The following LEMD3 variants were observed in gnomAD, a reference collection of about 807,000 sequenced individuals.
LEMD3 encodes the protein LEM domain containing 3.
LEMD3 carries 33 observed loss-of-function variants against 95.2 expected under a neutral mutation model. The observed-to-expected ratio is 0.35, with a 90% CI of 0.26 to 0.46. The LOEUF is 0.46. Among genes scored for constraint, LEMD3 ranks in the 20% least tolerant of loss-of-function variants. The probability of loss-of-function intolerance (pLI) is 1.00; values close to 1 mark genes in which losing one functional copy is unlikely to be tolerated. For missense variants in LEMD3, 1,210 were observed against 1,192.8 expected, an observed-to-expected ratio of 1.01 and a Z score of -0.21; for synonymous variants, 525 against 474.6, an observed-to-expected ratio of 1.11 and a Z score of -1.38.
At chr12:65,178,650 C>T (rs1039310589) in intron 1 of LEMD3, among the ~76,000 whole-genome samples, 1 of 152,154 alleles carries the variant, frequency 6.6e-6, no homozygotes, top group African/African-American at 2.4e-5. Flanking sequence ...AGGCACTGAG[C>T]TAAACAATTA....
intron 1 of LEMD3, among the ~76,000 whole-genome samples, chr12:65,179,251 A>G (rs879801401): frequency 1.6e-4 from 24 of 152,084 alleles, no homozygotes; most frequent in Non-Finnish European, 3.4e-4. Flanking sequence ...AATAAACTTC[A>G]TATTTTCCCT....
At chr12:65,191,554 C>G (rs1287024189) in intron 1 of LEMD3, among the ~76,000 whole-genome samples, 1 of 152,086 alleles carries the variant, frequency 6.6e-6, no homozygotes, top group African/African-American at 2.4e-5. Context: ...TTTAACATCT[C>G]TCTTTTTATG....
At chr12:65,198,608 T>C (rs1202998500) in intron 1 of LEMD3, among the ~76,000 whole-genome samples, 1 of 152,100 alleles carries the variant, frequency 6.6e-6, no homozygotes, top group Non-Finnish European at 1.5e-5. Flanking sequence ...GTGGGGGATT[T>C]ATTCCAGAAC....
intron 1 of LEMD3, among the ~76,000 whole-genome samples, chr12:65,190,557 A>G (rs1053508822): frequency 5.3e-5 from 8 of 152,228 alleles, no homozygotes; most frequent in African/African-American, 1.9e-4. Context: ...AAACCTACCT[A>G]TGACCTGGAA....
At chr12:65,174,688 C>T (rs1327371152) in intron 1 of LEMD3, among the ~76,000 whole-genome samples, 1 of 151,932 alleles carries the variant, frequency 6.6e-6, no homozygotes, top group African/African-American at 2.4e-5. Context: ...TTTCATTCAA[C>T]AGCAGAGTGT....
In LEMD3 at chr12:65,241,080, A is replaced by C. The variant is rs777903247; in HGVS notation, c.2298A>C (p.Gln766His). 1 of 1,613,446 alleles carries C rather than the reference A, an allele frequency of 6.2e-7. No individual in the cohort carries two copies. The highest frequency in any genetic ancestry group is 1.1e-5 in the South Asian group (1 of 91,058). The change falls in exon 9 of 13, where the codon CAA (glutamine) becomes CAC (histidine). Residue 766 changes from glutamine to histidine, a missense_variant. Physicochemically the swap from Gln to His is conservative, Grantham distance 24. Transcript: ENST00000308330. ...KILVIPSKVW[Q>H]GQAFHLDRRN... is the part of the protein sequence containing the mutation. ...TAGTTATACCTTCTAAAGTATGGCA[A>C]GGTCAAGGTATGTATTTTTAAACAT...
intron 1 of LEMD3, among the ~76,000 whole-genome samples, chr12:65,185,207 A>C (rs10878239): frequency 0.37 from 56,268 of 151,986 alleles, 13,251 homozygotes; most frequent in Middle Eastern, 0.58. Context: ...GTTCATAAAA[A>C]TTGTATGATT....
At chr12:65,183,910 A>G (rs750533560) in intron 1 of LEMD3, among the ~76,000 whole-genome samples, 1 of 152,154 alleles carries the variant, frequency 6.6e-6, no homozygotes, top group Non-Finnish European at 1.5e-5. Context: ...GCTTTCTACA[A>G]TTCTTTAAAC....
rs137855190 is a variant in LEMD3, at chr12:65,208,699, A to G, written c.1523-2227A>G. On this transcript the variant is annotated intron_variant, in intron 1 of 12. Transcript: ENST00000308330. ...TGTTTTTGGTTGGTGTTTTCTTGTA[A>G]AAACTTAACCCCAAGGATATGTTTT... is the stretch of plus-strand genomic sequence containing the variant. Among the ~76,000 whole-genome samples, 27 of 152,204 alleles carry G rather than the reference A, an allele frequency of 1.8e-4. No individual in the cohort carries two copies. In the East Asian group the frequency reaches 4.2e-3, roughly 24 times the overall value.
At chr12:65,224,750 A>T (rs1404078013) in intron 4 of LEMD3, among the ~76,000 whole-genome samples, 1 of 152,110 alleles carries the variant, frequency 6.6e-6, no homozygotes, top group Non-Finnish European at 1.5e-5. Context: ...CTTGAGTCTG[A>T]ATACCCATTT....
chr12:65,220,335 A>G (rs768372422), intron 4 of LEMD3, among the ~76,000 whole-genome samples: 1 of 152,192 alleles, frequency 6.6e-6, no homozygotes, highest in South Asian at 2.1e-4. Flanking sequence ...CAGCATATAT[A>G]TAATACCTTA....
At chr12:65,237,338 C>G (rs1264594518) in intron 4 of LEMD3, among the ~76,000 whole-genome samples, 1 of 152,104 alleles carries the variant, frequency 6.6e-6, no homozygotes, top group Non-Finnish European at 1.5e-5. Flanking sequence ...TGAAGTATGT[C>G]ATGAAAATCC....
At chr12:65,181,898 G>GTT (rs201544769) in intron 1 of LEMD3, among the ~76,000 whole-genome samples, 2 of 145,856 alleles carry the variant, frequency 1.4e-5, no homozygotes, top group African/African-American at 2.5e-5. Flanking sequence ...GAAGTGTTTT[G>GTT]TTTTTTTTTT....
intron 1 of LEMD3, among the ~76,000 whole-genome samples, chr12:65,187,208 G>T (rs1869093940): frequency 6.6e-6 from 1 of 152,010 alleles, no homozygotes; most frequent in Non-Finnish European, 1.5e-5. Flanking sequence ...CTACTTCAGG[G>T]GTTTGAGGGA....
At chr12:65,181,424 T>G (rs1360359393) in intron 1 of LEMD3, among the ~76,000 whole-genome samples, 1 of 152,186 alleles carries the variant, frequency 6.6e-6, no homozygotes, top group Admixed American at 6.5e-5. Context: ...AGTGACACTC[T>G]CCCCACGCTT....
intron 1 of LEMD3, among the ~76,000 whole-genome samples, chr12:65,206,731 A>C (rs1298409694): frequency 6.6e-6 from 1 of 152,066 alleles, no homozygotes; most frequent in Non-Finnish European, 1.5e-5. Flanking sequence ...CAATTGGAGA[A>C]TTTGTTTTGA....
chr12:65,217,426 A>G (rs1160066128), intron 3 of LEMD3, among the ~76,000 whole-genome samples: 2 of 152,220 alleles, frequency 1.3e-5, no homozygotes, highest in African/African-American at 4.8e-5. Flanking sequence ...AGACTTGTTC[A>G]TCTGATAGGT....
chr12:65,205,589 T>G (rs1367996636), intron 1 of LEMD3, among the ~76,000 whole-genome samples: 1 of 152,190 alleles, frequency 6.6e-6, no homozygotes, highest in African/African-American at 2.4e-5. Context: ...AAAGAATAGT[T>G]TATTTGAAAA....
Position 65,170,531 on chromosome 12 carries a change from G to C in LEMD3, c.935G>C (p.Gly312Ala). 1.9e-6 allele frequency: 3 copies of C among 1,614,108 alleles called. No individual in the cohort carries two copies. Among genetic ancestry groups the C allele is most frequent in the Non-Finnish European group, 2.5e-6 (3 of 1,180,012 alleles). ...AGGRLETSVQ[G>A]GGGLAMNDRA... ...GGCAGGCTGGAGACTTCAGTTCAGGGAGGGGGAGGACTCGCGATGAATGAC... is the reference window on the plus strand; with the variant it reads ...GGCAGGCTGGAGACTTCAGTTCAGGCAGGGGGAGGACTCGCGATGAATGAC... Residue 312 changes from glycine to alanine, a missense_variant, in exon 1 of 13, where the codon GGA (glycine) becomes GCA (alanine). Coordinates refer to ENST00000308330, the MANE Select transcript of LEMD3 (RefSeq NM_014319.5).
Sources: allele counts gnomAD v4.1 joint callset (sites outside exome capture counted in the v4.1 genomes callset), GRCh38; gene constraint gnomAD v4.1.1; transcripts MANE v1.5; gene names NCBI Gene and HGNC (gene_info 2026-07-23, HGNC 2026-07-21).